HIPK1: variants seen among roughly 807,000 people sequenced by gnomAD.
HIPK1 encodes homeodomain-interacting protein kinase 1.
Under a neutral mutation model 117.1 loss-of-function variants are expected in HIPK1, and 28 were observed. That is an observed-to-expected ratio of 0.24 (90% CI 0.18 to 0.33). The LOEUF (loss-of-function observed/expected upper bound fraction) is 0.33. HIPK1 is among the 10% of genes least tolerant of loss of function. The probability of loss-of-function intolerance (pLI) is 1.00; values close to 1 mark genes in which losing one functional copy is unlikely to be tolerated. For synonymous variants in HIPK1, 605 were observed against 562.5 expected (o/e 1.08, Z -1.07); for missense variants, 1,122 against 1,475.1 (o/e 0.76, Z 3.92).
intron 3 of HIPK1, 51 bp from the exon 4 acceptor site, chr1:113,954,600 A>G (rs997131146): frequency 1.9e-6 from 3 of 1,600,260 alleles, no homozygotes; most frequent in Admixed American, 1.7e-5. Context: ...AAAGCCTTTA[A>G]TAATTTCCCT....
rs201016726 is a variant in HIPK1 at position 113,940,425 on chromosome 1, G to A, written c.42G>A (p.Ser14=). Residue 14 remains serine (S), a synonymous_variant, in exon 2 of 16, where the codon TCG becomes TCA. Coordinates refer to ENST00000426820, the MANE Select transcript of HIPK1 (RefSeq NM_198268.3). ...AAGTGTTTTCGCCCCCATCAGTGTCGTCGAGTGCCTTCTGCAGTGCGAAGA... is the reference window on the plus strand; with the variant it reads ...AAGTGTTTTCGCCCCCATCAGTGTCATCGAGTGCCTTCTGCAGTGCGAAGA... ...QLQVFSPPSV[S]SSAFCSAKKL... The A allele has an allele frequency of 1.4e-4, 219 of 1,613,368 alleles. No individual in the cohort carries two copies. The highest frequency in any genetic ancestry group is 7.5e-4 in the Admixed American group (45 of 59,968).
chr1:113,950,324 G>A (rs892594380), intron 2 of HIPK1, among the ~76,000 whole-genome samples: 48 of 152,250 alleles, frequency 3.2e-4, no homozygotes, highest in African/African-American at 1.1e-3. Context: ...GGTTCTTCAC[G>A]GAAAGATCTG....
chr1:113,971,303 G>A (rs1413979249), intron 14 of HIPK1, among the ~76,000 whole-genome samples: 1 of 152,138 alleles, frequency 6.6e-6, no homozygotes, highest in Non-Finnish European at 1.5e-5. Flanking sequence ...TAAATGCTCT[G>A]GTTTTCCTAA....
chr1:113,936,618 C>T (rs1670264756), intron 1 of HIPK1, among the ~76,000 whole-genome samples: 1 of 152,220 alleles, frequency 6.6e-6, no homozygotes, highest in Non-Finnish European at 1.5e-5. Context: ...GTGCGTGTCA[C>T]CACGCCCAGC....
chr1:113,957,589 T>C (rs1558139993), intron 7 of HIPK1, among the ~76,000 whole-genome samples: 1 of 152,242 alleles, frequency 6.6e-6, no homozygotes, highest in Non-Finnish European at 1.5e-5. Flanking sequence ...AATGACTTTC[T>C]CCCTGTTAGG....
intron 4 of HIPK1, 81 bp downstream of exon 4, chr1:113,954,851 A>T (rs1420080934): frequency 1.6e-6 from 2 of 1,282,580 alleles, no homozygotes; most frequent in Non-Finnish European, 2.2e-6. Context: ...TAGTTATTAA[A>T]TTCTTCAGGT....
At chr1:113,936,230 G>A in intron 1 of HIPK1, among the ~76,000 whole-genome samples, 1 of 152,200 alleles carries the variant, frequency 6.6e-6, no homozygotes, top group East Asian at 1.9e-4. Flanking sequence ...GGGAAGACCA[G>A]TGAAAGAATT....
chr1:113,965,600 G>T (rs988706104), intron 10 of HIPK1, among the ~76,000 whole-genome samples: 3 of 152,062 alleles, frequency 2.0e-5, no homozygotes, highest in Non-Finnish European at 2.9e-5. Flanking sequence ...TCCCCAAAAG[G>T]ATTAGGCCTT....
At chr1:113,972,124 C>G (rs1672880408) in intron 15 of HIPK1, 170 bp downstream of exon 15, 27 of 1,557,044 alleles carry the variant, frequency 1.7e-5, no homozygotes, top group Non-Finnish European at 2.1e-5. Context: ...TCTCTTCATT[C>G]ACTCTGTAAG....
At position 113,973,334 on chromosome 1, in the gene HIPK1, T is replaced by G. The variant is rs992596222; in HGVS notation, c.3455T>G (p.Leu1152Trp). Reference protein sequence around the residue: ...AAAYTTHPSTLVHQVPVSVGP... With the variant: ...AAAYTTHPSTWVHQVPVSVGP... Reference sequence around the variant, plus strand: ...GCCTATACCACTCACCCTAGCACTTTGGTGCACCAGGTCCCTGTCAGTGTT... The same window carrying G: ...GCCTATACCACTCACCCTAGCACTTGGGTGCACCAGGTCCCTGTCAGTGTT... The change falls in exon 16 of 16, where the codon TTG (leucine) becomes TGG (tryptophan). Residue 1152 changes from leucine (L) to tryptophan (W), a missense_variant. Physicochemically the swap from Leu to Trp is moderately conservative, Grantham distance 61. Transcript: ENST00000426820. 3 of 1,614,032 alleles carry G rather than the reference T, an allele frequency of 1.9e-6. No individual in the cohort carries two copies. In the African/African-American group the frequency reaches 4.0e-5, roughly 22 times the overall value.
chr1:113,964,137 A>G (rs1018620604), intron 10 of HIPK1, among the ~76,000 whole-genome samples: 3 of 152,174 alleles, frequency 2.0e-5, no homozygotes, highest in Admixed American at 6.6e-5. Flanking sequence ...TATATCTTAC[A>G]TTTAAAGATA....
At chr1:113,971,322 C>G (rs1330884125) in intron 14 of HIPK1, among the ~76,000 whole-genome samples, 1 of 152,222 alleles carries the variant, frequency 6.6e-6, no homozygotes, top group African/African-American at 2.4e-5. Context: ...AATGGGAACA[C>G]AGAAGCAAGC....
At chr1:113,968,057 A>G in intron 12 of HIPK1, 109 bp downstream of exon 12, 4 of 961,978 alleles carry the variant, frequency 4.2e-6, no homozygotes, top group Non-Finnish European at 6.1e-6. Flanking sequence ...AGCAGCAAGT[A>G]GCTGCCAAAT....
rs764415209 is a variant in HIPK1 at position 113,968,516 on chromosome 1, A to G, written c.2639A>G (p.Tyr880Cys). The G allele has an allele frequency of 4.3e-6, 7 of 1,613,988 alleles. No homozygotes were observed. The highest frequency in any genetic ancestry group is 5.9e-6 in the Non-Finnish European group (7 of 1,179,966). ...GSSPLRTTSS[Y>C]NSLVPVQDQH... is the part of the protein sequence containing the mutation. The stretch of plus-strand genomic sequence containing the variant: ...AGTCCCCTCCGCACCACATCTTCTT[A>G]TAATTCCTTGGTCCCTGTCCAAGAT... The change falls in exon 13 of 16, where the codon TAT (tyrosine) becomes TGT (cysteine). Residue 880 changes from tyrosine to cysteine, a missense_variant. Physicochemically the swap from Tyr to Cys is radical, Grantham distance 194. Coordinates refer to ENST00000426820, the MANE Select transcript of HIPK1 (RefSeq NM_198268.3).
In HIPK1 at chr1:113,941,286, A is replaced by T. The variant is rs144139630; in HGVS notation, c.903A>T (p.Thr301=). 1 of 1,614,126 alleles carries T rather than the reference A, an allele frequency of 6.2e-7. No homozygotes were observed. Among genetic ancestry groups the T allele is most frequent in the Non-Finnish European group, 8.5e-7 (1 of 1,180,036 alleles). The change falls in exon 2 of 16, where the codon ACA becomes ACT. Residue 301 remains threonine (T), a synonymous_variant. Coordinates refer to ENST00000426820, the MANE Select transcript of HIPK1 (RefSeq NM_198268.3). This position sits in a 1 kb window ranked among gnomAD's most constrained non-coding sequence, Gnocchi z 4.9. ...YIRPILQQVA[T]ALMKLKSLGL... is the part of the protein sequence containing the mutation. ...GACCAATCTTGCAGCAGGTGGCCACAGCCTTGATGAAGCTCAAGAGTCTTG... is the reference window on the plus strand; with the variant it reads ...GACCAATCTTGCAGCAGGTGGCCACTGCCTTGATGAAGCTCAAGAGTCTTG...
rs1317088788 is a variant in HIPK1, at chr1:113,970,052, T to C, written c.2868T>C (p.Asp956=). 12 of 1,614,094 alleles carry C rather than the reference T, an allele frequency of 7.4e-6. No homozygotes were observed. Among genetic ancestry groups the C allele is most frequent in the Non-Finnish European group, 1.0e-5 (12 of 1,180,034 alleles). The change falls in exon 14 of 16, where the codon GAT becomes GAC. Residue 956 remains aspartate, a synonymous_variant. Coordinates refer to ENST00000426820, the MANE Select transcript of HIPK1 (RefSeq NM_198268.3). ...DSSLSSPYST[D]TLSALRGNSG... is the part of the protein sequence containing the mutation. ...CTTTGAGCAGCCCTTATTCCACTGA[T>C]ACCCTGAGTGCTCTCCGAGGCAATA... is the stretch of plus-strand genomic sequence containing the variant.
In HIPK1 at chr1:113,952,866, C is replaced by T; in HGVS notation, c.1177C>T (p.Pro393Ser). ...GCTGTTCCTGGGATGGCCTCTTTAT[C>T]CTGGTGCTTCAGAATATGATCAGGT... is the stretch of plus-strand genomic sequence containing the variant. The part of the protein sequence containing the change: ...AELFLGWPLY[P>S]GASEYDQIRY... Residue 393 changes from proline (P) to serine (S), a missense_variant, in exon 3 of 16, where the codon CCT becomes TCT. Around this residue, in one of 6 missense-constraint regions of HIPK1, gnomAD observed 127 missense variants for 197.9 expected, o/e 0.64. Transcript: ENST00000426820. The T allele has an allele frequency of 6.5e-7, 1 of 1,536,198 alleles. No homozygotes were observed. The highest frequency in any genetic ancestry group is 8.8e-7 in the Non-Finnish European group (1 of 1,139,640).
Position 113,968,590 on chromosome 1 carries a change from G to A in HIPK1, c.2713G>A (p.Val905Ile). Residue 905 changes from valine (V) to isoleucine (I), a missense_variant, in exon 13 of 16, where the codon GTC becomes ATC. Val to Ile is a conservative substitution (Grantham distance 29). This residue lies in a region of HIPK1 where 731 missense variants were observed against 860.4 expected (regional missense o/e 0.85). Coordinates refer to ENST00000426820, the MANE Select transcript of HIPK1 (RefSeq NM_198268.3). The stretch of plus-strand genomic sequence containing the variant: ...AGATACTCCCAGCCCTCCTGTGAGT[G>A]TCATCACTATCCGAAGTGACACTGA... ...IPDTPSPPVS[V>I]ITIRSDTDEE... is the part of the protein sequence containing the mutation. The A allele has an allele frequency of 6.2e-7, 1 of 1,614,066 alleles. No individual in the cohort carries two copies. The highest frequency in any genetic ancestry group is 1.1e-5 in the South Asian group (1 of 91,082).
rs1002397668 is a variant in HIPK1 at position 113,973,426 on chromosome 1, T to C, written c.3547T>C (p.Ser1183Pro). 6 of 1,614,108 alleles carry C rather than the reference T, an allele frequency of 3.7e-6. No individual in the cohort carries two copies. Among genetic ancestry groups the C allele is most frequent in the Non-Finnish European group, 5.1e-6 (6 of 1,179,994 alleles). Residue 1183 changes from serine (S) to proline (P), a missense_variant, in exon 16 of 16, where the codon TCC becomes CCC. Ser to Pro is a moderately conservative substitution (Grantham distance 74). This residue lies in a region of HIPK1 where 731 missense variants were observed against 860.4 expected (regional missense o/e 0.85). Coordinates refer to ENST00000426820, the MANE Select transcript of HIPK1 (RefSeq NM_198268.3). Reference protein sequence around the residue: ...AQYQHQFATQSYIGSSRGSTI... With the variant: ...AQYQHQFATQPYIGSSRGSTI... The stretch of plus-strand genomic sequence containing the variant: ...GTACCAACACCAGTTTGCCACCCAA[T>C]CCTACATTGGGTCTTCCCGAGGCTC...
Sources: allele counts gnomAD v4.1 joint callset (sites outside exome capture counted in the v4.1 genomes callset), GRCh38; gene constraint gnomAD v4.1.1; regional missense constraint gnomAD v4.1.1; non-coding constraint Gnocchi (gnomAD v3.1); transcripts MANE v1.5; gene names NCBI Gene and HGNC (gene_info 2026-07-23, HGNC 2026-07-21).